ADIG: variants seen among roughly 807,000 people sequenced by gnomAD.
ADIG encodes the protein adipogenin.
A neutral mutation model predicts 10.7 loss-of-function variants in ADIG; 12 were observed. The observed-to-expected ratio is 1.12, with a 90% CI of 0.72 to 1.82. The LOEUF is 1.82. ADIG is among the 40% of genes most tolerant of loss of function. ADIG has a pLI of 0.00. For missense variants in ADIG, 72 were observed against 92.5 expected (o/e 0.78, Z 0.91); for synonymous variants, 32 against 35.6 (o/e 0.90, Z 0.36).
chr20:38,587,310 T>G (rs1445680120), intron 2 of ADIG, among the ~76,000 whole-genome samples: 1 of 152,176 alleles, frequency 6.6e-6, no homozygotes, highest in Non-Finnish European at 1.5e-5. Flanking sequence ...CCCCCGACCC[T>G]GTCTGAGTGG....
At chr20:38,585,517 C>T (rs750227917) in intron 1 of ADIG, 3 of 1,550,582 alleles carry the variant, frequency 1.9e-6, no homozygotes, top group Non-Finnish European at 2.6e-6. Flanking sequence ...GGGTCCGGGT[C>T]TCCATGTGGT....
At chr20:38,585,370 A>G (rs2088627287) in intron 1 of ADIG, 1 of 1,528,022 alleles carries the variant, frequency 6.5e-7, no homozygotes, top group Non-Finnish European at 8.9e-7. Context: ...GGAATGGTGC[A>G]GCATTTGCTT....
At chr20:38,581,922 T>C (rs2088594543) in intron 1 of ADIG, among the ~76,000 whole-genome samples, 1 of 152,112 alleles carries the variant, frequency 6.6e-6, no homozygotes, top group African/African-American at 2.4e-5. Context: ...TCTGGCTGCT[T>C]TGGGAGACAG....
intron 1 of ADIG, 147 bp downstream of exon 1, chr20:38,581,521 G>A: frequency 1.6e-6 from 2 of 1,256,666 alleles, no homozygotes; most frequent in Non-Finnish European, 1.1e-6. Context: ...CAACTCTTAA[G>A]TGGAAAGGAT....
Position 38,588,216 on chromosome 20 carries a change from A to G in ADIG, c.*130A>G. 7.7e-7 allele frequency: 1 copy of G among 1,304,556 alleles called. No homozygotes were observed. Among genetic ancestry groups the G allele is most frequent in the Non-Finnish European group, 1.0e-6 (1 of 988,910 alleles). 80.8% of individuals were successfully genotyped at this position (1,304,556 alleles called of 1,614,324 possible). A position where few individuals can be genotyped will look rare whatever the true frequency, so the allele number is the denominator to read the frequency against. On this transcript the variant is annotated 3_prime_UTR_variant, in exon 3 of 3. Transcript: ENST00000537425. Reference sequence around the variant, plus strand: ...GGTGCCTCCCTGGAACCCCCAACTCATCTCCTCTTCAGACCGACATGTGAA... The same window carrying G: ...GGTGCCTCCCTGGAACCCCCAACTCGTCTCCTCTTCAGACCGACATGTGAA...
In ADIG at chr20:38,586,181, CA is replaced by C. The variant is rs773295949; in HGVS notation, c.*14+21del. 1 of 1,554,304 alleles carries C rather than the reference CA, an allele frequency of 6.4e-7. No homozygotes were observed. Among genetic ancestry groups the C allele is most frequent in the African/African-American group, 1.4e-5 (1 of 73,354 alleles). On this transcript the variant is annotated intron_variant, in intron 2 of 2. Transcript: ENST00000537425. ...TGCCAGGTGAGGCCCTTCCAGGGGC[CA>C]GGGGGAGCCTCAAGGCCCACCCAAA...
intron 1 of ADIG, among the ~76,000 whole-genome samples, chr20:38,581,986 G>A (rs2145577152): frequency 6.6e-6 from 1 of 152,312 alleles, no homozygotes; most frequent in East Asian, 1.9e-4. Context: ...ACCAAGAGGA[G>A]CAAGAGGTGG....
At chr20:38,584,643 C>CA (rs1299779814) in intron 1 of ADIG, among the ~76,000 whole-genome samples, 14 of 152,264 alleles carry the variant, frequency 9.2e-5, no homozygotes, top group East Asian at 3.9e-4. Flanking sequence ...CTGTAAAGTA[C>CA]AAAAAATACT....
chr20:38,586,108 G>C lies in ADIG; in HGVS notation c.204G>C (p.Gly68=), dbSNP rs773848292. 1.2e-6 allele frequency: 2 copies of C among 1,606,164 alleles called. No homozygotes were observed. The highest frequency in any genetic ancestry group is 3.4e-5 in the Admixed American group (2 of 58,986). Residue 68 remains glycine (G), a synonymous_variant, in exon 2 of 3, where the codon GGG becomes GGC. Coordinates refer to ENST00000537425, the MANE Select transcript of ADIG (RefSeq NM_001393816.1). ...SKGPAEFCWK[G]TLHGQEKERP... ...GCCCAGCTGAGTTTTGCTGGAAGGG[G>C]ACACTCCACGGCCAAGAGAAGGAGA...
At chr20:38,583,703 C>T (rs1468753820) in intron 1 of ADIG, among the ~76,000 whole-genome samples, 3 of 152,226 alleles carry the variant, frequency 2.0e-5, no homozygotes, top group African/African-American at 7.2e-5. Context: ...ATTCACTCTG[C>T]TTGGAGGCCC....
In ADIG at chr20:38,588,036, C is replaced by A. The variant is rs1011117229; in HGVS notation, c.*15-65C>A. On this transcript the variant is annotated intron_variant, in intron 2 of 2. Coordinates refer to ENST00000537425, the MANE Select transcript of ADIG (RefSeq NM_001393816.1). ...TACAGGCATGAACCACCACGTCTGGCCTTACCCACCTCTTTTTTCTCATCC... is the reference window on the plus strand; with the variant it reads ...TACAGGCATGAACCACCACGTCTGGACTTACCCACCTCTTTTTTCTCATCC... 7.3e-6 allele frequency: 9 copies of A among 1,238,238 alleles called. No individual in the cohort carries two copies. In the South Asian group the frequency reaches 1.2e-4, roughly 16 times the overall value. 76.7% of individuals were successfully genotyped at this position (1,238,238 alleles called of 1,614,324 possible).
chr20:38,581,919 G>T (rs6015420), intron 1 of ADIG, among the ~76,000 whole-genome samples: 26,117 of 152,206 alleles, frequency 0.17, 5,190 homozygotes, highest in African/African-American at 0.48. Context: ...GGATCTGGCT[G>T]CTTTGGGAGA....
At chr20:38,587,188 C>T (rs1195661547) in intron 2 of ADIG, among the ~76,000 whole-genome samples, 5 of 152,100 alleles carry the variant, frequency 3.3e-5, no homozygotes, top group Non-Finnish European at 7.4e-5. Flanking sequence ...GCCCGAGTCA[C>T]GAACCCGGGA....
At chr20:38,583,494 A>G (rs2145578175) in intron 1 of ADIG, among the ~76,000 whole-genome samples, 1 of 152,342 alleles carries the variant, frequency 6.6e-6, no homozygotes, top group Admixed American at 6.5e-5. Context: ...CATATCGGGT[A>G]CTTACAGGGC....
In ADIG at chr20:38,581,248, G is replaced by T. The variant is rs745603822; in HGVS notation, c.-3G>T. On this transcript the variant is annotated 5_prime_UTR_variant, in exon 1 of 3. Transcript: ENST00000537425. ...GCTGGCCCAGCTTAGCCACACATGC[G>T]CCATGAAGTACCCTTTGATGCCGCT... The T allele has an allele frequency of 6.0e-5, 96 of 1,608,454 alleles. No homozygotes were observed. The highest frequency in any genetic ancestry group is 8.0e-5 in the Non-Finnish European group (94 of 1,177,440).
chr20:38,581,284 C>A lies in ADIG; in HGVS notation c.34C>A (p.Leu12Ile). Residue 12 changes from leucine to isoleucine, a missense_variant, in exon 1 of 3, where the codon CTC (leucine) becomes ATC (isoleucine). Coordinates refer to ENST00000537425, the MANE Select transcript of ADIG (RefSeq NM_001393816.1). ...CCCTTTGATGCCGCTGGTGAACGAC[C>A]TCACATTTTCTTTCCTGGTTTTCTG... The part of the protein sequence containing the change: ...KYPLMPLVND[L>I]TFSFLVFWFC... 1 of 1,613,892 alleles carries A rather than the reference C, an allele frequency of 6.2e-7. No individual in the cohort carries two copies. The highest frequency in any genetic ancestry group is 8.5e-7 in the Non-Finnish European group (1 of 1,179,886).
intron 1 of ADIG, 56 bp from the exon 2 acceptor site, chr20:38,585,973 C>A: frequency 2.0e-6 from 3 of 1,521,882 alleles, no homozygotes; most frequent in South Asian, 2.4e-5. Context: ...CTTCCTGGGT[C>A]AGGGGTAGGA....
intron 2 of ADIG, among the ~76,000 whole-genome samples, chr20:38,587,137 C>T (rs2145581093): frequency 6.6e-6 from 1 of 152,298 alleles, no homozygotes; most frequent in African/African-American, 2.4e-5. Flanking sequence ...GCTAGCTTTT[C>T]TTCATCTCCA....
chr20:38,587,509 G>T (rs573130103), intron 2 of ADIG, among the ~76,000 whole-genome samples: 1 of 152,216 alleles, frequency 6.6e-6, no homozygotes, highest in South Asian at 2.1e-4. Flanking sequence ...AAGGTCCCAG[G>T]CTTGGTTTCA....
Sources: gnomAD v4.1 joint callset for allele counts (sites outside exome capture counted in the v4.1 genomes callset) on GRCh38, gnomAD v4.1.1 for gene constraint, MANE v1.5 for transcripts, NCBI Gene and HGNC (gene_info 2026-07-23, HGNC 2026-07-21) for gene names.